CHN2: variants seen among roughly 807,000 people sequenced by gnomAD.
CHN2 encodes beta-chimaerin.
Under a neutral mutation model 56.3 loss-of-function variants are expected in CHN2, and 35 were observed. That is an observed-to-expected ratio of 0.62 (90% CI 0.47 to 0.82). The LOEUF (loss-of-function observed/expected upper bound fraction) is 0.82, where lower values mean the gene tolerates loss of function less well. Among genes scored for constraint, CHN2 ranks in the 40% least tolerant of loss-of-function variants. CHN2 has a pLI of 0.00. For synonymous variants in CHN2, 210 were observed against 212.8 expected (o/e 0.99, Z 0.12); for missense variants, 491 against 580.5 (o/e 0.85, Z 1.58).
intron 6 of CHN2, among the ~76,000 whole-genome samples, chr7:29,419,358 A>G (rs1804098308): frequency 1.3e-5 from 2 of 152,206 alleles, no homozygotes. Context: ...ACCTACACAT[A>G]AGACCTAAAA....
At chr7:29,212,418 AT>A in intron 1 of CHN2, 1 of 1,607,454 alleles carries the variant, frequency 6.2e-7, no homozygotes, top group Non-Finnish European at 8.5e-7. Flanking sequence ...ATCCTTGCAA[AT>A]GTCTTCTGCT....
chr7:29,204,063 C>CTG (rs1458828590), intron 1 of CHN2, among the ~76,000 whole-genome samples: 24 of 108,828 alleles, frequency 2.2e-4, no homozygotes, highest in Admixed American at 3.1e-4. Context: ...GTTTTTCTCT[C>CTG]TCTCTGTGTG....
chr7:29,262,364 C>T (rs935613603), intron 1 of CHN2, among the ~76,000 whole-genome samples: 2 of 152,148 alleles, frequency 1.3e-5, no homozygotes, highest in Non-Finnish European at 2.9e-5. Flanking sequence ...GTTAACCTTG[C>T]TTTGTGTCAC....
intron 6 of CHN2, chr7:29,401,084 C>G: frequency 2.4e-6 from 1 of 425,120 alleles, no homozygotes; most frequent in Non-Finnish European, 4.3e-6. Context: ...CTGGCTAACA[C>G]GGTGAAACCC....
chr7:29,281,940 G>A (rs1240604888), intron 1 of CHN2, among the ~76,000 whole-genome samples: 1 of 152,152 alleles, frequency 6.6e-6, no homozygotes, highest in Non-Finnish European at 1.5e-5. Context: ...CTGCTGCCTC[G>A]GCACTGGGTG....
chr7:29,384,886 C>A (rs1235887500), intron 3 of CHN2, among the ~76,000 whole-genome samples: 1 of 152,092 alleles, frequency 6.6e-6, no homozygotes, highest in Non-Finnish European at 1.5e-5. Flanking sequence ...GCAATCAGGG[C>A]AAAATTTCAA....
At chr7:29,169,113 C>T (rs1796283645) in intron 2 of CHN2, among the ~76,000 whole-genome samples, 1 of 151,918 alleles carries the variant, frequency 6.6e-6, no homozygotes, top group African/African-American at 2.4e-5. Context: ...ATGGAATTTT[C>T]CCCATTTTAT....
At chr7:29,312,976 A>G (rs1424264751) in intron 1 of CHN2, among the ~76,000 whole-genome samples, 1 of 152,162 alleles carries the variant, frequency 6.6e-6, no homozygotes, top group Non-Finnish European at 1.5e-5. Flanking sequence ...TGGTGTGACC[A>G]TAGGAAGCCT....
At chr7:29,306,352 A>T (rs1355044335) in intron 1 of CHN2, among the ~76,000 whole-genome samples, 2 of 152,162 alleles carry the variant, frequency 1.3e-5, no homozygotes, top group African/African-American at 4.8e-5. Flanking sequence ...CTGAAAATGG[A>T]GGTACTGGCA....
chr7:29,265,381 T>A (rs891247174), intron 1 of CHN2, among the ~76,000 whole-genome samples: 1 of 152,222 alleles, frequency 6.6e-6, no homozygotes, highest in South Asian at 2.1e-4. Flanking sequence ...TCTGCTAGAC[T>A]TAGACTGGCC....
At chr7:29,243,693 A>G (rs1186842818) in intron 1 of CHN2, among the ~76,000 whole-genome samples, 2 of 152,214 alleles carry the variant, frequency 1.3e-5, no homozygotes, top group African/African-American at 4.8e-5. Flanking sequence ...GGGTGGGACA[A>G]ATTAGAAGAG....
intron 2 of CHN2, among the ~76,000 whole-genome samples, chr7:29,187,462 G>A (rs1468271568): frequency 1.3e-5 from 2 of 152,062 alleles, no homozygotes; most frequent in South Asian, 2.1e-4. Context: ...GGTGGCTCAC[G>A]CCTGTAATCC....
At chr7:29,437,098 A>T (rs985054908) in intron 6 of CHN2, among the ~76,000 whole-genome samples, 2 of 152,156 alleles carry the variant, frequency 1.3e-5, no homozygotes, top group Admixed American at 1.3e-4. Context: ...GTCTACATCT[A>T]TGTAAATATA....
intron 6 of CHN2, among the ~76,000 whole-genome samples, chr7:29,439,938 T>G (rs529525204): frequency 6.6e-6 from 1 of 152,318 alleles, no homozygotes; most frequent in South Asian, 2.1e-4. Flanking sequence ...TTGTGAAGGT[T>G]AATTAACTGG....
At chr7:29,321,577 T>G (rs1437397400) in intron 1 of CHN2, among the ~76,000 whole-genome samples, 2 of 149,916 alleles carry the variant, frequency 1.3e-5, no homozygotes, top group African/African-American at 4.9e-5. Flanking sequence ...TTTCTTTTTT[T>G]TTTTTTTTTT....
chr7:29,358,862 C>T (rs1224233342), intron 2 of CHN2, among the ~76,000 whole-genome samples: 1 of 152,206 alleles, frequency 6.6e-6, no homozygotes, highest in Non-Finnish European at 1.5e-5. Flanking sequence ...GCCAAAAGTG[C>T]AGAGGCATTG....
chr7:29,292,563 T>C (rs931219829), intron 1 of CHN2, among the ~76,000 whole-genome samples: 1 of 152,258 alleles, frequency 6.6e-6, no homozygotes, highest in Non-Finnish European at 1.5e-5. Context: ...GCTTCTATAA[T>C]GCTTTGCAAT....
chr7:29,355,301 G>A (rs1024408823), intron 2 of CHN2, among the ~76,000 whole-genome samples: 5 of 152,032 alleles, frequency 3.3e-5, no homozygotes, highest in African/African-American at 4.8e-5. Context: ...ACAGTTGATC[G>A]GCAAGGACAA....
chr7:29,497,441 T>C (rs976737612), intron 8 of CHN2, among the ~76,000 whole-genome samples: 1 of 152,092 alleles, frequency 6.6e-6, no homozygotes, highest in Non-Finnish European at 1.5e-5. Context: ...CAGCAACTTT[T>C]CAAGTTTCTC....
Sources: gnomAD v4.1 joint callset for allele counts (sites outside exome capture counted in the v4.1 genomes callset) on GRCh38, gnomAD v4.1.1 for gene constraint, MANE v1.5 for transcripts, NCBI Gene and HGNC (gene_info 2026-07-23, HGNC 2026-07-21) for gene names.